The following ZNF292 variants were observed in gnomAD, a reference collection of about 807,000 sequenced individuals.
The protein encoded by ZNF292 is 16 zinc-finger domain protein.
Under a neutral mutation model 217.9 loss-of-function variants are expected in ZNF292, and 26 were observed. The observed-to-expected ratio is 0.12, with a 90% CI of 0.09 to 0.17. The LOEUF (loss-of-function observed/expected upper bound fraction) is 0.17. Ranked by LOEUF, ZNF292 falls within the 10% of genes least tolerant of loss-of-function variation. The pLI, the probability that ZNF292 is intolerant of heterozygous loss-of-function variation, is 1.00. For synonymous variants in ZNF292, 1,257 were observed against 1,124.1 expected, an observed-to-expected ratio of 1.12 and a Z score of -2.37; for missense variants, 2,904 against 3,175.2, an observed-to-expected ratio of 0.91 and a Z score of 2.05.
At chr6:87,209,112 C>A (rs529821669) in intron 1 of ZNF292, among the ~76,000 whole-genome samples, 1,462 of 144,920 alleles carry the variant, frequency 0.01, 111 homozygotes, top group African/African-American at 0.036. Context: ...TCACCCCCCC[C>A]TCCCCATTTT....
intron 1 of ZNF292, among the ~76,000 whole-genome samples, chr6:87,204,740 T>A (rs1160975067): frequency 6.6e-6 from 1 of 151,734 alleles, no homozygotes; most frequent in Non-Finnish European, 1.5e-5. Context: ...ATTTTTGTAT[T>A]TTTAGTAGAG....
At chr6:87,190,773 C>T (rs984632436) in intron 1 of ZNF292, among the ~76,000 whole-genome samples, 12 of 152,154 alleles carry the variant, frequency 7.9e-5, no homozygotes, top group African/African-American at 2.4e-5. Flanking sequence ...AAAATTTCTC[C>T]AAAGGAACAT....
At chr6:87,176,468 T>C (rs7739034) in intron 1 of ZNF292, among the ~76,000 whole-genome samples, 95,856 of 152,024 alleles carry the variant, frequency 0.63, 31,814 homozygotes, top group African/African-American at 0.85. Flanking sequence ...GTCTTATGAC[T>C]TACTTTAGGG....
At chr6:87,189,996 A>G (rs751138808) in intron 1 of ZNF292, among the ~76,000 whole-genome samples, 40 of 152,210 alleles carry the variant, frequency 2.6e-4, no homozygotes, top group Non-Finnish European at 4.9e-4. Context: ...TACCTTGGTT[A>G]ATAATCCAAC....
chr6:87,163,269 G>A (rs867773571), intron 1 of ZNF292, among the ~76,000 whole-genome samples: 8 of 152,084 alleles, frequency 5.3e-5, no homozygotes, highest in African/African-American at 1.9e-4. Context: ...GGCTAACATG[G>A]TGAAACCCCG....
At position 87,256,111 on chromosome 6, in the gene ZNF292, C is replaced by T. The variant is rs776393749; in HGVS notation, c.2482C>T (p.Leu828=). Residue 828 remains leucine, a synonymous_variant, in exon 8 of 8, where the codon CTG becomes TTG. Transcript: ENST00000369577. ...TTCTCAGGGTGAGCTGGAAAAGCAT[C>T]TGGATGATCACAGTACTCCTCCTGA... is the stretch of plus-strand genomic sequence containing the variant. ...YRSQGELEKH[L]DDHSTPPEKV... is the part of the protein sequence containing the mutation. 1 of 1,613,648 alleles carries T rather than the reference C, an allele frequency of 6.2e-7. No individual in the cohort carries two copies. Among genetic ancestry groups the T allele is most frequent in the South Asian group, 1.1e-5 (1 of 91,016 alleles).
intron 1 of ZNF292, among the ~76,000 whole-genome samples, chr6:87,193,298 A>G (rs1771868789): frequency 6.6e-6 from 1 of 152,200 alleles, no homozygotes; most frequent in Non-Finnish European, 1.5e-5. Context: ...CAATCCTAGC[A>G]CTTTGGGAGG....
chr6:87,167,165 T>A (rs1383477196), intron 1 of ZNF292, among the ~76,000 whole-genome samples: 1 of 152,240 alleles, frequency 6.6e-6, no homozygotes, highest in East Asian at 1.9e-4. Context: ...AAAAATCATT[T>A]ATTTATTCCA....
At position 87,233,332 on chromosome 6, in the gene ZNF292, A is replaced by C. The variant is rs746349367; in HGVS notation, c.546A>C (p.Glu182Asp). Residue 182 changes from glutamate (E) to aspartate (D), a missense_variant, in exon 5 of 8, where the codon GAA becomes GAC. Glu to Asp is a conservative substitution (Grantham distance 45). Transcript: ENST00000369577. ...QEPLDKDKVN[E>D]FLAFEGPILL... ...ATGTCTTGTTTTTTAAAGTGAATGA[A>C]TTTTTAGCTTTTGAGGGTCCCATCT... 2 of 1,604,502 alleles carry C rather than the reference A, an allele frequency of 1.2e-6. No individual in the cohort carries two copies. Among genetic ancestry groups the C allele is most frequent in the Non-Finnish European group, 1.7e-6 (2 of 1,175,324 alleles).
chr6:87,161,528 T>A lies in ZNF292; in HGVS notation c.168+5769T>A, dbSNP rs534530432. On this transcript the variant is annotated intron_variant, in intron 1 of 7. Transcript: ENST00000369577. ...TCCTTGACCAACTGGGCTTAAGCGA[T>A]CCTCTTGCCTCAGCCTGAGTAGCTG... 1.8e-4 allele frequency among the ~76,000 whole-genome samples: 27 copies of A among 152,312 alleles called. No individual in the cohort carries two copies. The South Asian group carries it at 4.1e-3, about 23-fold the overall frequency.
In ZNF292 at chr6:87,265,020, T is replaced by C. The variant is rs1205753866; in HGVS notation, c.*3219T>C. ...GCAGCCTGTTTCAGCATGTTTATTG[T>C]AGTGAGATACTAGGCAGGTGGAAGG... On this transcript the variant is annotated 3_prime_UTR_variant, in exon 8 of 8. Coordinates refer to ENST00000369577, the MANE Select transcript of ZNF292 (RefSeq NM_015021.3). Among the ~76,000 whole-genome samples, 1 of 152,196 alleles carries C rather than the reference T, an allele frequency of 6.6e-6. No homozygotes were observed. Among genetic ancestry groups the C allele is most frequent in the African/African-American group, 2.4e-5 (1 of 41,466 alleles).
chr6:87,204,503 ATTT>A (rs918447333), intron 1 of ZNF292, among the ~76,000 whole-genome samples: 2 of 139,578 alleles, frequency 1.4e-5, no homozygotes, highest in Admixed American at 7.0e-5. Flanking sequence ...TGTTTCAAAA[ATTT>A]TTTTTTAATT....
At chr6:87,185,280 G>A (rs966246348) in intron 1 of ZNF292, among the ~76,000 whole-genome samples, 5 of 152,110 alleles carry the variant, frequency 3.3e-5, no homozygotes, top group African/African-American at 7.2e-5. Flanking sequence ...CCCAGAATTC[G>A]ACTGTCAGGA....
intron 1 of ZNF292, among the ~76,000 whole-genome samples, chr6:87,210,813 G>A (rs1772449697): frequency 6.6e-6 from 1 of 151,864 alleles, no homozygotes; most frequent in South Asian, 2.1e-4. Flanking sequence ...ATGAGGTGAG[G>A]CATGTAGCAC....
At position 87,256,414 on chromosome 6, in the gene ZNF292, C is replaced by G; in HGVS notation, c.2785C>G (p.Leu929Val). The G allele has an allele frequency of 6.2e-7, 1 of 1,607,148 alleles. No individual in the cohort carries two copies. Among genetic ancestry groups the G allele is most frequent in the Non-Finnish European group, 8.5e-7 (1 of 1,179,792 alleles). Residue 929 changes from leucine (L) to valine (V), a missense_variant, in exon 8 of 8, where the codon CTA (leucine) becomes GTA (valine). Transcript: ENST00000369577. The part of the protein sequence containing the change: ...NGLENPATTP[L>V]LQSSEVAVSI... ...TTTGGAAAACCCTGCTACTACTCCT[C>G]TACTTCAATCCAGTGAAGTAGCTGT... is the stretch of plus-strand genomic sequence containing the variant.
intron 4 of ZNF292, among the ~76,000 whole-genome samples, chr6:87,229,899 G>T (rs572602121): frequency 6.6e-6 from 1 of 152,044 alleles, no homozygotes; most frequent in Admixed American, 6.6e-5. Flanking sequence ...AGTGATGGAG[G>T]TGGTAAGAGT....
At chr6:87,162,099 T>G (rs1008797298) in intron 1 of ZNF292, among the ~76,000 whole-genome samples, 2 of 152,200 alleles carry the variant, frequency 1.3e-5, no homozygotes, top group African/African-American at 4.8e-5. Flanking sequence ...ATTTTATGTA[T>G]AGCAACTTAA....
Position 87,254,644 on chromosome 6 carries a change from T to A in ZNF292, c.1021-6T>A. 2.5e-6 allele frequency: 4 copies of A among 1,577,182 alleles called. No homozygotes were observed. The highest frequency in any genetic ancestry group is 3.4e-6 in the Non-Finnish European group (4 of 1,161,178). On this transcript the variant is annotated splice_polypyrimidine_tract_variant and splice_region_variant and intron_variant, in intron 7 of 7. Transcript: ENST00000369577. ...AAATTAACATTTCCTATTTGCTTTTTCACAGACTGAAGGGGCTGGACTTGC... is the reference window on the plus strand; with the variant it reads ...AAATTAACATTTCCTATTTGCTTTTACACAGACTGAAGGGGCTGGACTTGC...
intron 1 of ZNF292, among the ~76,000 whole-genome samples, chr6:87,187,916 C>G (rs547671603): frequency 1.3e-5 from 2 of 152,200 alleles, no homozygotes; most frequent in East Asian, 3.9e-4. Context: ...TACCCTAATT[C>G]ACCAACTGCT....
Sources: allele counts gnomAD v4.1 joint callset (sites outside exome capture counted in the v4.1 genomes callset), GRCh38; gene constraint gnomAD v4.1.1; transcripts MANE v1.5; gene names NCBI Gene and HGNC (gene_info 2026-07-23, HGNC 2026-07-21).